C12orf42: variants seen among roughly 807,000 people sequenced by gnomAD.
C12orf42 encodes the protein chromosome 12 open reading frame 42, also known as uncharacterized protein C12orf42.
In C12orf42, 25 loss-of-function variants were observed where a neutral mutation model predicts 21.6. The ratio of observed to expected loss-of-function variants is 1.16; its 90% CI spans 0.84 to 1.62. The LOEUF (loss-of-function observed/expected upper bound fraction) is 1.62, where lower values mean the gene tolerates loss of function less well. C12orf42 is among the 40% of genes most tolerant of loss of function. The pLI is 0.00. For synonymous variants in C12orf42, 174 were observed against 175.0 expected, an observed-to-expected ratio of 0.99 and a Z score of 0.05; for missense variants, 483 against 459.3, an observed-to-expected ratio of 1.05 and a Z score of -0.47.
At chr12:103,058,553 C>T in the C12orf42 span, among the ~76,000 whole-genome samples, 1 of 152,182 alleles carries the variant, frequency 6.6e-6, no homozygotes, top group Non-Finnish European at 1.5e-5. Flanking sequence ...TGCCACATGG[C>T]ACTTATTGTA....
the C12orf42 span, among the ~76,000 whole-genome samples, chr12:103,100,905 C>T: frequency 6.6e-6 from 1 of 152,130 alleles, no homozygotes. Context: ...CTAGGAGTAC[C>T]TCCCAAGATA....
intron 2 of C12orf42, 55 bp downstream of exon 2, chr12:103,478,294 A>G: frequency 1.7e-6 from 2 of 1,145,716 alleles, no homozygotes; most frequent in Non-Finnish European, 2.5e-6. Flanking sequence ...GCTGAAATGG[A>G]GCAAACCTAT....
chr12:103,088,496 T>C, the C12orf42 span, among the ~76,000 whole-genome samples: 1 of 152,166 alleles, frequency 6.6e-6, no homozygotes, highest in African/African-American at 2.4e-5. Flanking sequence ...GTTAATTGAG[T>C]TGAAGTCACC....
chr12:103,104,370 T>C, the C12orf42 span, among the ~76,000 whole-genome samples: 2 of 152,178 alleles, frequency 1.3e-5, no homozygotes, highest in Non-Finnish European at 2.9e-5. Context: ...TGAATACCAA[T>C]CCAGGGGATG....
At chr12:103,541,379 C>T in the C12orf42 span, among the ~76,000 whole-genome samples, 1 of 152,110 alleles carries the variant, frequency 6.6e-6, no homozygotes, top group African/African-American at 2.4e-5. Context: ...TGGTAGGATG[C>T]ATATATGAAA....
intron 4 of C12orf42, among the ~76,000 whole-genome samples, chr12:103,366,818 G>A (rs939146611): frequency 5.9e-5 from 9 of 152,100 alleles, no homozygotes; most frequent in Non-Finnish European, 1.0e-4. Flanking sequence ...TGGTATGGAT[G>A]TGGTGAAAAG....
chr12:103,435,300 A>T (rs1950605685), intron 2 of C12orf42, among the ~76,000 whole-genome samples: 1 of 152,236 alleles, frequency 6.6e-6, no homozygotes, highest in Non-Finnish European at 1.5e-5. Context: ...AAAGATGGGG[A>T]AAAAACAGAA....
At chr12:103,561,123 T>C in the C12orf42 span, among the ~76,000 whole-genome samples, 1 of 152,166 alleles carries the variant, frequency 6.6e-6, no homozygotes, top group African/African-American at 2.4e-5. Context: ...TATTAGGCAC[T>C]ACAATGCTAA....
intron 5 of C12orf42, among the ~76,000 whole-genome samples, chr12:103,271,209 G>C (rs377076934): frequency 6.6e-6 from 1 of 152,114 alleles, no homozygotes; most frequent in Non-Finnish European, 1.5e-5. Context: ...AAGGTGTGTC[G>C]TGTGCACCCT....
the C12orf42 span, among the ~76,000 whole-genome samples, chr12:103,091,266 G>T: frequency 7.2e-5 from 11 of 152,040 alleles, no homozygotes; most frequent in Non-Finnish European, 1.2e-4. Context: ...GCCAGCTATA[G>T]GCAGGCAGCC....
chr12:103,260,444 T>C (rs1286334005), intron 10 of C12orf42, among the ~76,000 whole-genome samples: 1 of 152,212 alleles, frequency 6.6e-6, no homozygotes, highest in East Asian at 1.9e-4. Flanking sequence ...TGTATATTAG[T>C]TCTGCTCTTT....
At chr12:103,184,634 T>C in the C12orf42 span, among the ~76,000 whole-genome samples, 1 of 151,674 alleles carries the variant, frequency 6.6e-6, no homozygotes, top group Non-Finnish European at 1.5e-5. Flanking sequence ...GTTTCTCTTC[T>C]AGTTTAGGAA....
downstream of C12orf42, among the ~76,000 whole-genome samples, chr12:103,267,231 TG>T (rs1337827372): frequency 6.6e-6 from 1 of 152,096 alleles, no homozygotes; most frequent in Non-Finnish European, 1.5e-5. Context: ...TCACCAACAC[TG>T]TGCCCGGAAT....
intron 4 of C12orf42, among the ~76,000 whole-genome samples, chr12:103,294,641 A>AAAG (rs2037131155): frequency 1.4e-5 from 2 of 145,752 alleles, no homozygotes; most frequent in East Asian, 2.1e-4. Context: ...AGAAAGAAGG[A>AAAG]AAAGAAAGAG....
chr12:103,284,602 G>A (rs936992560), intron 4 of C12orf42, among the ~76,000 whole-genome samples: 4 of 152,174 alleles, frequency 2.6e-5, no homozygotes, highest in Non-Finnish European at 4.4e-5. Context: ...AAAAGACAAG[G>A]TAAGAAGTTT....
At chr12:103,323,341 A>C (rs907942582) in intron 4 of C12orf42, among the ~76,000 whole-genome samples, 6 of 152,226 alleles carry the variant, frequency 3.9e-5, no homozygotes, top group African/African-American at 1.4e-4. Context: ...TTCATCCAAC[A>C]AAAAGGAAAT....
At chr12:103,267,490 ATATG>A (rs1344894095), downstream of C12orf42, 3 of 152,282 alleles carry the variant, frequency 2.0e-5, no homozygotes, top group South Asian at 2.1e-4. Flanking sequence ...CACAAATTAT[ATATG>A]TATGTCAATT....
intron 2 of C12orf42, among the ~76,000 whole-genome samples, chr12:103,468,323 C>A (rs1053232160): frequency 1.3e-5 from 2 of 152,180 alleles, no homozygotes; most frequent in Non-Finnish European, 2.9e-5. Flanking sequence ...ATATTTGGGA[C>A]CTGCCATTCT....
intron 1 of C12orf42, among the ~76,000 whole-genome samples, chr12:103,494,081 A>G (rs571019231): frequency 1.1e-3 from 160 of 152,342 alleles, no homozygotes; most frequent in African/African-American, 3.6e-3. Context: ...AAGTTTGCAT[A>G]GCAAGGATCT....
Sources: allele counts gnomAD v4.1 joint callset (sites outside exome capture counted in the v4.1 genomes callset), GRCh38; gene constraint gnomAD v4.1.1; transcripts MANE v1.5; gene names NCBI Gene and HGNC (gene_info 2026-07-23, HGNC 2026-07-21).